The following RNF148 variants were observed in gnomAD, a reference collection of about 807,000 sequenced individuals.
RNF148 encodes ring finger protein 148.
Under a neutral mutation model 21.1 loss-of-function variants are expected in RNF148, and 16 were observed. The ratio of observed to expected loss-of-function variants is 0.76; its 90% CI spans 0.51 to 1.15. RNF148 has a LOEUF of 1.15. Ranked by LOEUF, RNF148 falls within the 50% of genes most tolerant of loss-of-function variation. The probability of loss-of-function intolerance (pLI) is 0.00; values close to 1 mark genes in which losing one functional copy is unlikely to be tolerated. For missense variants in RNF148, 424 were observed against 374.2 expected (o/e 1.13, Z -1.10); for synonymous variants, 150 against 136.4 (o/e 1.10, Z -0.69).
rs1274932686 is a variant in RNF148 at position 122,702,687 on chromosome 7, T to C, written c.64A>G (p.Ser22Gly). 1.9e-6 allele frequency: 3 copies of C among 1,612,960 alleles called. No individual in the cohort carries two copies. Among genetic ancestry groups the C allele is most frequent in the Non-Finnish European group, 1.7e-6 (2 of 1,179,352 alleles). Reference sequence around the variant, plus strand: ...GGAAAGCTAAGTAGTAGAAAGATACTAAGCCTCAAAAGTCCAGATGAAACA... The same window carrying C: ...GGAAAGCTAAGTAGTAGAAAGATACCAAGCCTCAAAAGTCCAGATGAAACA... Reference protein sequence around the residue: ...SSVSSGLLRLSIFLLLSFPDS... With the variant: ...SSVSSGLLRLGIFLLLSFPDS... The change falls in exon 1 of 1, where the codon AGT becomes GGT. Residue 22 changes from serine to glycine, a missense_variant. Coordinates refer to ENST00000434824, the MANE Select transcript of RNF148 (RefSeq NM_198085.2).
chr7:122,702,396 C>T lies in RNF148; in HGVS notation c.355G>A (p.Ala119Thr), dbSNP rs767562946. The T allele has an allele frequency of 2.5e-6, 4 of 1,613,672 alleles. No individual in the cohort carries two copies. Among genetic ancestry groups the T allele is most frequent in the Admixed American group, 3.3e-5 (2 of 59,966 alleles). Reference protein sequence around the residue: ...GCTFTHKINVAAEKGANGVII... With the variant: ...GCTFTHKINVTAEKGANGVII... ...ACCCCATTTGCTCCCTTCTCTGCTGCCACGTTGATTTTATGTGTAAAAGTA... is the reference window on the plus strand; with the variant it reads ...ACCCCATTTGCTCCCTTCTCTGCTGTCACGTTGATTTTATGTGTAAAAGTA... The change falls in exon 1 of 1, where the codon GCA becomes ACA. Residue 119 changes from alanine to threonine, a missense_variant. Ala to Thr is a moderately conservative substitution (Grantham distance 58). Coordinates refer to ENST00000434824, the MANE Select transcript of RNF148 (RefSeq NM_198085.2).
At position 122,702,540 on chromosome 7, in the gene RNF148, C is replaced by T. The variant is rs765749720; in HGVS notation, c.211G>A (p.Val71Met). The change falls in exon 1 of 1, where the codon GTG (valine) becomes ATG (methionine). Residue 71 changes from valine (V) to methionine (M), a missense_variant. By Grantham distance (21) the Val-to-Met change is conservative. Transcript: ENST00000434824. ...TCAGGAAGTGCCACCACACCAGACA[C>T]CCTTTCCAGAGGAGAATGATTCCCG... ...VFGNHSPLER[V>M]SGVVALPEGW... 3.1e-6 allele frequency: 5 copies of T among 1,613,470 alleles called. No individual in the cohort carries two copies. The highest frequency in any genetic ancestry group is 1.7e-5 in the Admixed American group (1 of 59,914).
At position 122,702,084 on chromosome 7, in the gene RNF148, T is replaced by C. The variant is rs1430019462; in HGVS notation, c.667A>G (p.Arg223Gly). The C allele has an allele frequency of 3.7e-6, 6 of 1,613,592 alleles. No individual in the cohort carries two copies. The Admixed American group carries it at 8.3e-5, about 22-fold the overall frequency. ...LTPRVPNSFT[R>G]RRSQIKTDVK... The stretch of plus-strand genomic sequence containing the variant: ...TCTGTCTTTATTTGACTTCGCCTCC[T>C]GGTGAAAGAATTGGGCACTCTAGGT... Residue 223 changes from arginine (R) to glycine (G), a missense_variant, in exon 1 of 1, where the codon AGG becomes GGG. Transcript: ENST00000434824.
At position 122,702,554 on chromosome 7, in the gene RNF148, G is replaced by C. The variant is rs544403291; in HGVS notation, c.197C>G (p.Ser66Cys). 3 of 1,613,526 alleles carry C rather than the reference G, an allele frequency of 1.9e-6. No individual in the cohort carries two copies. The South Asian group carries it at 3.3e-5, about 18-fold the overall frequency. Residue 66 changes from serine to cysteine, a missense_variant, in exon 1 of 1, where the codon TCT (serine) becomes TGT (cysteine). Coordinates refer to ENST00000434824, the MANE Select transcript of RNF148 (RefSeq NM_198085.2). ...CACACCAGACACCCTTTCCAGAGGA[G>C]AATGATTCCCGAACACTCCACTCTC... is the stretch of plus-strand genomic sequence containing the variant. ...LGESGVFGNH[S>C]PLERVSGVVA...
In RNF148 at chr7:122,702,895, C is replaced by T. The variant is rs1008770073; in HGVS notation, c.-145G>A. On this transcript the variant is annotated 5_prime_UTR_variant, in exon 1 of 1. Transcript: ENST00000434824. Reference sequence around the variant, plus strand: ...TCCCTGGATCAAAGCTATCTTGCTCCTTCCAGTATTTTAATATTTAGTAGA... The same window carrying T: ...TCCCTGGATCAAAGCTATCTTGCTCTTTCCAGTATTTTAATATTTAGTAGA... The T allele has an allele frequency of 3.3e-6, 2 of 599,706 alleles. No homozygotes were observed. The highest frequency in any genetic ancestry group is 1.9e-5 in the African/African-American group (1 of 53,674). The allele number at this position is 599,706 out of a possible 1,614,324, so 37.1% of individuals were successfully genotyped here.
chr7:122,702,064 C>G lies in RNF148; in HGVS notation c.687G>C (p.Lys229Asn). 1 of 1,613,586 alleles carries G rather than the reference C, an allele frequency of 6.2e-7. No individual in the cohort carries two copies. The highest frequency in any genetic ancestry group is 1.1e-5 in the South Asian group (1 of 91,082). ...NSFTRRRSQI[K>N]TDVKKAIDQL... ...GGTCAATAGCTTTCTTCACATCTGT[C>G]TTTATTTGACTTCGCCTCCTGGTGA... The change falls in exon 1 of 1, where the codon AAG becomes AAC. Residue 229 changes from lysine to asparagine, a missense_variant. Coordinates refer to ENST00000434824, the MANE Select transcript of RNF148 (RefSeq NM_198085.2).
Position 122,702,034 on chromosome 7 carries a change from A to G in RNF148, c.717T>C (p.Leu239=). The change falls in exon 1 of 1, where the codon CTT becomes CTC. Residue 239 remains leucine, a synonymous_variant. Coordinates refer to ENST00000434824, the MANE Select transcript of RNF148 (RefSeq NM_198085.2). ...CCCCTTCTTTGAGAACTCGCAGTTGAAGCTGGTCAATAGCTTTCTTCACAT... is the reference window on the plus strand; with the variant it reads ...CCCCTTCTTTGAGAACTCGCAGTTGGAGCTGGTCAATAGCTTTCTTCACAT... The part of the protein sequence containing the change: ...KTDVKKAIDQ[L]QLRVLKEGDE... 1 of 1,613,656 alleles carries G rather than the reference A, an allele frequency of 6.2e-7. No homozygotes were observed. Among genetic ancestry groups the G allele is most frequent in the Non-Finnish European group, 8.5e-7 (1 of 1,179,744 alleles).
chr7:122,702,431 C>A lies in RNF148; in HGVS notation c.320G>T (p.Arg107Leu). ...QADSWLALIE[R>L]GGCTFTHKIN... ...TTTATGTGTAAAAGTACAGCCTCCACGTTCGATGAGGGCCAGCCATGAGTC... is the reference window on the plus strand; with the variant it reads ...TTTATGTGTAAAAGTACAGCCTCCAAGTTCGATGAGGGCCAGCCATGAGTC... The change falls in exon 1 of 1, where the codon CGT becomes CTT. Residue 107 changes from arginine to leucine, a missense_variant. Arg to Leu is a moderately radical substitution (Grantham distance 102). Coordinates refer to ENST00000434824, the MANE Select transcript of RNF148 (RefSeq NM_198085.2). 1.9e-6 allele frequency: 3 copies of A among 1,613,768 alleles called. No homozygotes were observed. Among genetic ancestry groups the A allele is most frequent in the Admixed American group, 1.7e-5 (1 of 59,974 alleles).
In RNF148 at chr7:122,702,794, A is replaced by C. The variant is rs764855925; in HGVS notation, c.-44T>G. ...AGAGACAAACATGAGAAAACAAAAC[A>C]ACATCAGTTGTAGAAGAACATAAAG... is the stretch of plus-strand genomic sequence containing the variant. On this transcript the variant is annotated 5_prime_UTR_variant, in exon 1 of 1. Transcript: ENST00000434824. 1 of 1,398,518 alleles carries C rather than the reference A, an allele frequency of 7.2e-7. No homozygotes were observed. Among genetic ancestry groups the C allele is most frequent in the Admixed American group, 2.4e-5 (1 of 41,762 alleles). 86.6% of individuals were successfully genotyped at this position (1,398,518 alleles called of 1,614,324 possible).
Position 122,702,837 on chromosome 7 carries a change from G to T in RNF148, c.-87C>A. ...ACATAAAGAAGATAGCTTGTTGGCG[G>T]CAGATTACTAAAGCACATAAATGGA... is the stretch of plus-strand genomic sequence containing the variant. On this transcript the variant is annotated 5_prime_UTR_variant, in exon 1 of 1. Transcript: ENST00000434824. 3 of 999,182 alleles carry T rather than the reference G, an allele frequency of 3.0e-6. No homozygotes were observed. The highest frequency in any genetic ancestry group is 2.9e-6 in the Non-Finnish European group (2 of 686,570). The allele number at this position is 999,182 out of a possible 1,614,324, so 61.9% of individuals were successfully genotyped here.
Position 122,702,614 on chromosome 7 carries a change from A to T in RNF148, c.137T>A (p.Phe46Tyr). The T allele has an allele frequency of 1.2e-6, 2 of 1,613,620 alleles. No homozygotes were observed. The highest frequency in any genetic ancestry group is 1.1e-5 in the South Asian group (1 of 91,070). Residue 46 changes from phenylalanine to tyrosine, a missense_variant, in exon 1 of 1, where the codon TTT (phenylalanine) becomes TAT (tyrosine). By Grantham distance (22) the Phe-to-Tyr change is conservative. Coordinates refer to ENST00000434824, the MANE Select transcript of RNF148 (RefSeq NM_198085.2). ...CGATGTGATCTCATTTCCAACCTGA[A>T]ATGTTATATTCAGGTGAGCTGTCCA... ...AIWTAHLNIT[F>Y]QVGNEITSEL...
rs201630707 is a variant in RNF148, at chr7:122,701,900, C to A, written c.851G>T (p.Cys284Phe). Reference protein sequence around the residue: ...LTCKHFFHKACIDPWLLAHRT... With the variant: ...LTCKHFFHKAFIDPWLLAHRT... Reference sequence around the variant, plus strand: ...ATGGGCTAAAAGCCAGGGGTCAATGCATGCCTTATGGAAAAAATGTTTGCA... The same window carrying A: ...ATGGGCTAAAAGCCAGGGGTCAATGAATGCCTTATGGAAAAAATGTTTGCA... Residue 284 changes from cysteine to phenylalanine, a missense_variant, in exon 1 of 1, where the codon TGC (cysteine) becomes TTC (phenylalanine). Physicochemically the swap from Cys to Phe is radical, Grantham distance 205. Transcript: ENST00000434824. The A allele has an allele frequency of 3.5e-5, 57 of 1,613,438 alleles. No homozygotes were observed. Among genetic ancestry groups the A allele is most frequent in the Non-Finnish European group, 3.6e-5 (42 of 1,179,586 alleles).
At position 122,702,150 on chromosome 7, in the gene RNF148, T is replaced by C. The variant is rs1012405059; in HGVS notation, c.601A>G (p.Thr201Ala). The C allele has an allele frequency of 1.9e-6, 3 of 1,613,616 alleles. No individual in the cohort carries two copies. Among genetic ancestry groups the C allele is most frequent in the African/African-American group, 1.3e-5 (1 of 74,898 alleles). Reference protein sequence around the residue: ...IMYLFTFLAATIAYFYLDCVW... With the variant: ...IMYLFTFLAAAIAYFYLDCVW... ...CAATCTAAGTAAAAGTAGGCAATTG[T>C]GGCAGCCAGGAAGGTAAATAGATAC... The change falls in exon 1 of 1, where the codon ACA (threonine) becomes GCA (alanine). Residue 201 changes from threonine to alanine, a missense_variant. Physicochemically the swap from Thr to Ala is moderately conservative, Grantham distance 58 (BLOSUM62 0). Transcript: ENST00000434824.
In RNF148 at chr7:122,702,837, G is replaced by A; in HGVS notation, c.-87C>T. On this transcript the variant is annotated 5_prime_UTR_variant, in exon 1 of 1. Transcript: ENST00000434824. ...ACATAAAGAAGATAGCTTGTTGGCG[G>A]CAGATTACTAAAGCACATAAATGGA... 1.0e-6 allele frequency: 1 copy of A among 999,180 alleles called. No homozygotes were observed. The highest frequency in any genetic ancestry group is 1.5e-6 in the Non-Finnish European group (1 of 686,568). 61.9% of individuals were successfully genotyped at this position (999,180 alleles called of 1,614,324 possible).
In RNF148 at chr7:122,702,159, G is replaced by A. The variant is rs1208831604; in HGVS notation, c.592C>T (p.Leu198=). The A allele has an allele frequency of 6.2e-7, 1 of 1,613,596 alleles. No homozygotes were observed. Among genetic ancestry groups the A allele is most frequent in the African/African-American group, 1.3e-5 (1 of 74,882 alleles). Residue 198 remains leucine (L), a synonymous_variant, in exon 1 of 1, where the codon CTG becomes TTG. Transcript: ENST00000434824. ...TAAAAGTAGGCAATTGTGGCAGCCA[G>A]GAAGGTAAATAGATACATGATGTAA... ...SHYIMYLFTF[L]AATIAYFYLD... is the part of the protein sequence containing the mutation.
At position 122,702,782 on chromosome 7, in the gene RNF148, A is replaced by G. The variant is rs774844037; in HGVS notation, c.-32T>C. ...ATTTGTCTATTAAGAGACAAACATGAGAAAACAAAACAACATCAGTTGTAG... is the reference window on the plus strand; with the variant it reads ...ATTTGTCTATTAAGAGACAAACATGGGAAAACAAAACAACATCAGTTGTAG... On this transcript the variant is annotated 5_prime_UTR_variant, in exon 1 of 1. Transcript: ENST00000434824. The G allele has an allele frequency of 3.1e-5, 46 of 1,471,200 alleles. No homozygotes were observed. The highest frequency in any genetic ancestry group is 4.1e-5 in the Non-Finnish European group (45 of 1,088,874). 91.1% of individuals were successfully genotyped at this position (1,471,200 alleles called of 1,614,324 possible).
chr7:122,702,669 T>C lies in RNF148; in HGVS notation c.82A>G (p.Ser28Gly), dbSNP rs377719800. The C allele has an allele frequency of 3.4e-5, 55 of 1,613,174 alleles. No individual in the cohort carries two copies. The highest frequency in any genetic ancestry group is 5.5e-5 in the South Asian group (5 of 91,044). ...LLRLSIFLLL[S>G]FPDSNGKAIW... ...GCTTTTCCGTTTGAGTCAGGAAAGCTAAGTAGTAGAAAGATACTAAGCCTC... is the reference window on the plus strand; with the variant it reads ...GCTTTTCCGTTTGAGTCAGGAAAGCCAAGTAGTAGAAAGATACTAAGCCTC... Residue 28 changes from serine (S) to glycine (G), a missense_variant, in exon 1 of 1, where the codon AGC (serine) becomes GGC (glycine). Physicochemically the swap from Ser to Gly is moderately conservative, Grantham distance 56. Transcript: ENST00000434824.
At position 122,702,236 on chromosome 7, in the gene RNF148, T is replaced by C. The variant is rs747256321; in HGVS notation, c.515A>G (p.Tyr172Cys). Reference protein sequence around the residue: ...EILHSIQKGVYVTVIIEVGRM... With the variant: ...EILHSIQKGVCVTVIIEVGRM... ...CCCCACTTCAATGATGACTGTCACATAGACTCCTTTCTGAATCGAGTGCAA... is the reference window on the plus strand; with the variant it reads ...CCCCACTTCAATGATGACTGTCACACAGACTCCTTTCTGAATCGAGTGCAA... The change falls in exon 1 of 1, where the codon TAT (tyrosine) becomes TGT (cysteine). Residue 172 changes from tyrosine to cysteine, a missense_variant. By Grantham distance (194) the Tyr-to-Cys change is radical (BLOSUM62 -2). Coordinates refer to ENST00000434824, the MANE Select transcript of RNF148 (RefSeq NM_198085.2). 6.2e-6 allele frequency: 10 copies of C among 1,613,868 alleles called. 1 individual carries two copies. The highest frequency in any genetic ancestry group is 5.1e-6 in the Non-Finnish European group (6 of 1,179,810).
Position 122,701,850 on chromosome 7 carries a change from C to T in RNF148, c.901G>A (p.Asp301Asn), listed in dbSNP as rs747734819. ...AHRTCPMCKC[D>N]ILKT Reference sequence around the variant, plus strand: ...CAGATTTCTTAAGTTTTCAGGATGTCACACTTGCACATGGGACATGTCCTA... The same window carrying T: ...CAGATTTCTTAAGTTTTCAGGATGTTACACTTGCACATGGGACATGTCCTA... The change falls in exon 1 of 1, where the codon GAC becomes AAC. Residue 301 changes from aspartate to asparagine, a missense_variant. Asp to Asn is a conservative substitution (Grantham distance 23). Transcript: ENST00000434824. 1.3e-6 allele frequency: 2 copies of T among 1,590,934 alleles called. No individual in the cohort carries two copies. The highest frequency in any genetic ancestry group is 2.2e-5 in the East Asian group (1 of 44,676).
Sources: allele counts gnomAD v4.1 joint callset, GRCh38; gene constraint gnomAD v4.1.1; transcripts MANE v1.5; gene names NCBI Gene and HGNC (gene_info 2026-07-23, HGNC 2026-07-21).